Variants in ARHGAP39 observed in about 807,000 individuals in gnomAD.
ARHGAP39 encodes rho GTPase-activating protein 39.
Under a neutral mutation model 106.9 loss-of-function variants are expected in ARHGAP39, and 44 were observed. The ratio of observed to expected loss-of-function variants is 0.41; its 90% CI spans 0.32 to 0.53. The LOEUF (loss-of-function observed/expected upper bound fraction) is 0.53. Among genes scored for constraint, ARHGAP39 ranks in the 20% least tolerant of loss-of-function variants. The pLI is 0.21. For missense variants in ARHGAP39, 1,496 were observed against 1,577.3 expected, an observed-to-expected ratio of 0.95 and a Z score of 0.87; for synonymous variants, 768 against 693.2, an observed-to-expected ratio of 1.11 and a Z score of -1.69.
rs572164941 is a variant in ARHGAP39, at chr8:144,549,052, C to T, written c.597-563G>A. Among the ~76,000 whole-genome samples, 5 of 152,362 alleles carry T rather than the reference C, an allele frequency of 3.3e-5. No individual in the cohort carries two copies. The East Asian group carries it at 5.8e-4, about 18-fold the overall frequency. On this transcript the variant is annotated intron_variant, in intron 4 of 11. Transcript: ENST00000377307. ...ACAGCTGCAGGTGTCCCACTAACACCGCACCTGGCCAAGGGCACCAGAGTC... is the reference window on the plus strand; with the variant it reads ...ACAGCTGCAGGTGTCCCACTAACACTGCACCTGGCCAAGGGCACCAGAGTC...
In ARHGAP39 at chr8:144,633,196, C is replaced by T. The variant is rs978797685; in HGVS notation, c.-81-27501G>A. Among the ~76,000 whole-genome samples, 11 of 151,574 alleles carry T rather than the reference C, an allele frequency of 7.3e-5. No homozygotes were observed. In the East Asian group the frequency reaches 1.4e-3, roughly 19 times the overall value. On this transcript the variant is annotated intron_variant, in intron 1 of 11. Coordinates refer to ENST00000377307, the MANE Select transcript of ARHGAP39 (RefSeq NM_025251.3). Reference sequence around the variant, plus strand: ...AAGAAAGGCCAGGCGCAGTGGCTCACGCCTATAATCCCAGCACTTCGGGAA... The same window carrying T: ...AAGAAAGGCCAGGCGCAGTGGCTCATGCCTATAATCCCAGCACTTCGGGAA...
intron 4 of ARHGAP39, among the ~76,000 whole-genome samples, chr8:144,553,040 A>T (rs1323614704): frequency 6.6e-6 from 1 of 152,128 alleles, no homozygotes; most frequent in South Asian, 2.1e-4. Flanking sequence ...GCTGGACACC[A>T]GCTCTCCTCC....
Position 144,670,728 on chromosome 8 carries a change from T to A in ARHGAP39, c.-82+14958A>T, listed in dbSNP as rs918252340. Among the ~76,000 whole-genome samples, 2 of 152,046 alleles carry A rather than the reference T, an allele frequency of 1.3e-5. No homozygotes were observed. Among genetic ancestry groups the A allele is most frequent in the African/African-American group, 4.8e-5 (2 of 41,386 alleles). On this transcript the variant is annotated intron_variant, in intron 1 of 11. Transcript: ENST00000377307. This position sits in a 1 kb window ranked among gnomAD's most constrained non-coding sequence, Gnocchi z 4.4. ...CTGGAGGCTTGCCCTGAGCTCCTCATCTAAATGAAGCATGCTAGATTTGCT... is the reference window on the plus strand; with the variant it reads ...CTGGAGGCTTGCCCTGAGCTCCTCAACTAAATGAAGCATGCTAGATTTGCT...
intron 3 of ARHGAP39, among the ~76,000 whole-genome samples, chr8:144,558,454 G>C (rs1160017336): frequency 6.6e-6 from 1 of 151,988 alleles, no homozygotes; most frequent in East Asian, 1.9e-4. Context: ...CACCACGCCT[G>C]GCTAATTTTT....
In ARHGAP39 at chr8:144,604,465, C is replaced by A. The variant is rs1820208622; in HGVS notation, c.80+1070G>T. Among the ~76,000 whole-genome samples the A allele has an allele frequency of 6.6e-6, 1 of 152,158 alleles. No homozygotes were observed. The highest frequency in any genetic ancestry group is 2.4e-5 in the African/African-American group (1 of 41,432). On this transcript the variant is annotated intron_variant, in intron 2 of 11. Transcript: ENST00000377307. The surrounding 1 kb of genome is among the most constrained non-coding windows in gnomAD (Gnocchi z 4.1). Reference sequence around the variant, plus strand: ...TGATCTCAGCTCACTGCAGCCTAAACCTCTTGGGCTCAAGGGATCTCCTCA... The same window carrying A: ...TGATCTCAGCTCACTGCAGCCTAAAACTCTTGGGCTCAAGGGATCTCCTCA...
intron 1 of ARHGAP39, among the ~76,000 whole-genome samples, chr8:144,662,397 A>G (rs1167832703): frequency 7.6e-6 from 1 of 132,194 alleles, no homozygotes; most frequent in Non-Finnish European, 1.6e-5. Flanking sequence ...ATTATTATCC[A>G]GCTTGGACAG....
intron 1 of ARHGAP39, among the ~76,000 whole-genome samples, chr8:144,608,436 AGACTC>A (rs1820375805): frequency 1.3e-5 from 2 of 152,222 alleles, no homozygotes; most frequent in South Asian, 4.1e-4. Context: ...TTGTCCTCTT[AGACTC>A]AACTCAGGCG....
intron 6 of ARHGAP39, among the ~76,000 whole-genome samples, chr8:144,542,103 A>C (rs1318420636): frequency 3.3e-5 from 5 of 152,180 alleles, no homozygotes; most frequent in African/African-American, 7.2e-5. Context: ...ATGCATGAAG[A>C]AGCGAGCAGT....
chr8:144,690,975 A>G, the ARHGAP39 span, among the ~76,000 whole-genome samples: 1 of 152,138 alleles, frequency 6.6e-6, no homozygotes, highest in Non-Finnish European at 1.5e-5. Flanking sequence ...CCATTTAAAA[A>G]AATTGAGTTT....
chr8:144,530,682 AC>A lies in ARHGAP39; in HGVS notation c.3150+19del. ...GGGCGGGGAGGGGAAAGCAGCGGGG[AC>A]CCCCGGGGAGGGAAGTACCTGCAGG... On this transcript the variant is annotated intron_variant, in intron 11 of 11. Coordinates refer to ENST00000377307, the MANE Select transcript of ARHGAP39 (RefSeq NM_025251.3). 6.4e-7 allele frequency: 1 copy of A among 1,554,218 alleles called. No individual in the cohort carries two copies. Among genetic ancestry groups the A allele is most frequent in the Admixed American group, 1.8e-5 (1 of 54,382 alleles).
At chr8:144,632,484 G>A (rs1391051154) in intron 1 of ARHGAP39, among the ~76,000 whole-genome samples, 1 of 152,234 alleles carries the variant, frequency 6.6e-6, no homozygotes, top group African/African-American at 2.4e-5. Context: ...GTCAATGAGT[G>A]GTGGGCTTGC....
rs1821427971 is a variant in ARHGAP39 at position 144,645,748 on chromosome 8, G to A, written c.-82+39938C>T. On this transcript the variant is annotated intron_variant, in intron 1 of 11. Coordinates refer to ENST00000377307, the MANE Select transcript of ARHGAP39 (RefSeq NM_025251.3). This position sits in a 1 kb window ranked among gnomAD's most constrained non-coding sequence, Gnocchi z 4.4. ...GGAAGCAGAGCGATACACCTTGGAT[G>A]GCAGAGGTTTATTTTGTGTGGAATC... 6.6e-6 allele frequency among the ~76,000 whole-genome samples: 1 copy of A among 152,244 alleles called. No individual in the cohort carries two copies. Among genetic ancestry groups the A allele is most frequent in the Non-Finnish European group, 1.5e-5 (1 of 68,044 alleles).
chr8:144,670,294 G>A lies in ARHGAP39; in HGVS notation c.-82+15392C>T, dbSNP rs1327672681. ...ACAGAGCTCGGACGCGTGCTAGAGT[G>A]TACCGGGAAGCAGGATCAGCACCTG... On this transcript the variant is annotated intron_variant, in intron 1 of 11. Coordinates refer to ENST00000377307, the MANE Select transcript of ARHGAP39 (RefSeq NM_025251.3). The surrounding 1 kb of genome is among the most constrained non-coding windows in gnomAD (Gnocchi z 4.4). Among the ~76,000 whole-genome samples, 1 of 152,156 alleles carries A rather than the reference G, an allele frequency of 6.6e-6. No homozygotes were observed. The highest frequency in any genetic ancestry group is 6.5e-5 in the Admixed American group (1 of 15,282).
At chr8:144,695,636 C>T in the ARHGAP39 span, among the ~76,000 whole-genome samples, 1 of 152,108 alleles carries the variant, frequency 6.6e-6, no homozygotes, top group Admixed American at 6.5e-5. Flanking sequence ...GAAGAAGGGG[C>T]TAGATTTTCC....
chr8:144,601,379 T>C (rs1335539803), intron 2 of ARHGAP39, among the ~76,000 whole-genome samples: 3 of 137,954 alleles, frequency 2.2e-5, no homozygotes, highest in Non-Finnish European at 4.7e-5. Context: ...TACCTGTGTG[T>C]GCGTTGAGGC....
chr8:144,557,622 C>G (rs932119259), intron 3 of ARHGAP39, among the ~76,000 whole-genome samples: 3 of 150,946 alleles, frequency 2.0e-5, no homozygotes, highest in Non-Finnish European at 4.4e-5. Flanking sequence ...GCTGAACCTT[C>G]GTAGTATTCA....
intron 1 of ARHGAP39, among the ~76,000 whole-genome samples, chr8:144,617,988 C>A (rs912202520): frequency 6.6e-6 from 1 of 152,068 alleles, no homozygotes; most frequent in Non-Finnish European, 1.5e-5. Context: ...CTCTATGCTG[C>A]CCAGGCTGGC....
At position 144,664,239 on chromosome 8, in the gene ARHGAP39, C is replaced by T. The variant is rs961296153; in HGVS notation, c.-82+21447G>A. On this transcript the variant is annotated intron_variant, in intron 1 of 11. Transcript: ENST00000377307. Reference sequence around the variant, plus strand: ...GATTCCAACAGCCTATCCCCTCCACCTCTGCCACCTGAGTAGAGCCTGGGT... The same window carrying T: ...GATTCCAACAGCCTATCCCCTCCACTTCTGCCACCTGAGTAGAGCCTGGGT... 3.7e-4 allele frequency among the ~76,000 whole-genome samples: 57 copies of T among 152,172 alleles called. 1 individual carries two copies. Among genetic ancestry groups the T allele is most frequent in the Non-Finnish European group, 1.5e-4 (10 of 68,026 alleles).
chr8:144,637,211 C>T (rs1490922417), intron 1 of ARHGAP39, among the ~76,000 whole-genome samples: 2 of 152,212 alleles, frequency 1.3e-5, no homozygotes, highest in Non-Finnish European at 2.9e-5. Flanking sequence ...ATATTCTTTT[C>T]TCCTATTCTC....
Sources: gnomAD v4.1 joint callset for allele counts (sites outside exome capture counted in the v4.1 genomes callset) on GRCh38, gnomAD v4.1.1 for gene constraint, Gnocchi (gnomAD v3.1) non-coding constraint, MANE v1.5 for transcripts, NCBI Gene and HGNC (gene_info 2026-07-23, HGNC 2026-07-21) for gene names.